ZNF3: variants seen among roughly 807,000 people sequenced by gnomAD.
ZNF3 encodes C2-H2 type zinc finger protein.
In ZNF3, 16 loss-of-function variants were observed where a neutral mutation model predicts 36.9. The ratio of observed to expected loss-of-function variants is 0.43; its 90% CI spans 0.29 to 0.66. ZNF3 has a LOEUF of 0.66. ZNF3 is among the 30% of genes least tolerant of loss of function. The probability of loss-of-function intolerance (pLI) is 0.13; values close to 1 mark genes in which losing one functional copy is unlikely to be tolerated. For missense variants in ZNF3, 462 were observed against 543.1 expected (o/e 0.85, Z 1.48); for synonymous variants, 201 against 201.9 (o/e 1.00, Z 0.04).
intron 3 of ZNF3, among the ~76,000 whole-genome samples, chr7:100,076,168 G>C (rs1013147717): frequency 6.6e-6 from 1 of 150,906 alleles, no homozygotes; most frequent in African/African-American, 2.4e-5. Context: ...AAAACCAGCA[G>C]CTTCACCCCA....
At chr7:100,078,015 C>T (rs1191006071) in intron 2 of ZNF3, among the ~76,000 whole-genome samples, 1 of 151,862 alleles carries the variant, frequency 6.6e-6, no homozygotes, top group East Asian at 1.9e-4. Context: ...CAGGTGTGAG[C>T]CACCATGCCC....
upstream of ZNF3, among the ~76,000 whole-genome samples, chr7:100,082,097 T>C (rs60594059): frequency 0.016 from 2,450 of 152,206 alleles, 64 homozygotes; most frequent in African/African-American, 0.056. Flanking sequence ...GCAGTAAACA[T>C]ACAATTATTG....
At chr7:100,075,018 T>C (rs1188816138) in intron 5 of ZNF3, 117 bp downstream of exon 5, 43 of 1,318,494 alleles carry the variant, frequency 3.3e-5, no homozygotes, top group African/African-American at 1.2e-4. Context: ...GATTGTGCCA[T>C]TGCACCTCAA....
chr7:100,074,195 C>G (rs111856896), intron 5 of ZNF3, among the ~76,000 whole-genome samples: 4,303 of 152,214 alleles, frequency 0.028, 206 homozygotes, highest in African/African-American at 0.098. Flanking sequence ...AGACTGGGCC[C>G]CAAGTTTTGC....
In ZNF3 at chr7:100,074,656, T is replaced by C. The variant is rs79583151; in HGVS notation, c.271+479A>G. 7.9e-4 allele frequency among the ~76,000 whole-genome samples: 120 copies of C among 152,312 alleles called. No individual in the cohort carries two copies. In the East Asian group the frequency reaches 0.022, roughly 28 times the overall value. On this transcript the variant is annotated intron_variant, in intron 5 of 5. Transcript: ENST00000299667. ...TTACTGTGAAGATTAAATGAAAGAA[T>C]ATATATGAGAACTCTTTATAAGTTG...
chr7:100,075,231 A>G lies in ZNF3; in HGVS notation c.175T>C (p.Tyr59His). 6.2e-7 allele frequency: 1 copy of G among 1,614,180 alleles called. No individual in the cohort carries two copies. Among genetic ancestry groups the G allele is most frequent in the Non-Finnish European group, 8.5e-7 (1 of 1,180,038 alleles). The change falls in exon 5 of 6, where the codon TAC (tyrosine) becomes CAC (histidine). Residue 59 changes from tyrosine (Y) to histidine (H), a missense_variant. Coordinates refer to ENST00000299667, the MANE Select transcript of ZNF3 (RefSeq NM_032924.5). ...CGCTTCCACTCCTTCCGGATGAAGT[A>G]CACAGCTACATCCTCAAAGGTTACC... ...ELVTFEDVAV[Y>H]FIRKEWKRLE...
chr7:100,077,554 A>G, intron 2 of ZNF3, 121 bp from the exon 3 acceptor site: 1 of 872,480 alleles, frequency 1.1e-6, no homozygotes, highest in Non-Finnish European at 1.6e-6. Flanking sequence ...GGCAACTGGG[A>G]CTAGTCTTTT....
exon 6 of ZNF3, chr7:100,064,317 C>T: frequency 6.2e-7 from 1 of 1,612,682 alleles, no homozygotes; most frequent in African/African-American, 1.3e-5. Flanking sequence ...GGAAAGGCAG[C>T]CTCATTCGTC....
chr7:100,078,495 CAAA>C (rs532938420), intron 2 of ZNF3, among the ~76,000 whole-genome samples: 12 of 88,874 alleles, frequency 1.4e-4, no homozygotes, highest in Non-Finnish European at 1.9e-4. Context: ...GACTCTGCCT[CAAA>C]AAAAAAAAAA....
chr7:100,071,440 G>C lies in ZNF3; in HGVS notation c.1044C>G (p.Ala348=). The stretch of plus-strand genomic sequence containing the variant: ...GATAGAGGTGTGAGCTCTGGCTGAA[G>C]GCTTTCCCACATTCATTACATTCAT... The part of the protein sequence containing the change: ...KPYECNECGK[A]FSQSSHLYQH... The change falls in exon 6 of 6, where the codon GCC becomes GCG. Residue 348 remains alanine (A), a synonymous_variant. Transcript: ENST00000299667. The C allele has an allele frequency of 6.2e-7, 1 of 1,614,200 alleles. No homozygotes were observed.
Position 100,073,486 on chromosome 7 carries a change from T to A in ZNF3, c.272-1274A>T, listed in dbSNP as rs374976815. On this transcript the variant is annotated intron_variant, in intron 5 of 5. Coordinates refer to ENST00000299667, the MANE Select transcript of ZNF3 (RefSeq NM_032924.5). The stretch of plus-strand genomic sequence containing the variant: ...GCCTCAGCCTCCCAAGTAGCTGGGA[T>A]TACAGGCACATGCCACCACCCCCAG... 2.0e-5 allele frequency among the ~76,000 whole-genome samples: 3 copies of A among 152,132 alleles called. No individual in the cohort carries two copies. The East Asian group carries it at 5.8e-4, about 30-fold the overall frequency.
At chr7:100,077,251 GGAT>G (rs1012400013) in intron 3 of ZNF3, 49 bp downstream of exon 3, 1 of 1,610,600 alleles carries the variant, frequency 6.2e-7, no homozygotes, top group Non-Finnish European at 8.5e-7. Flanking sequence ...CGATTTCAAT[GGAT>G]GATTGCAGAA....
chr7:100,071,526 C>G lies in ZNF3; in HGVS notation c.958G>C (p.Ala320Pro), dbSNP rs754397946. Reference protein sequence around the residue: ...KPYACNECGKAFSRSSTLIHH... With the variant: ...KPYACNECGKPFSRSSTLIHH... ...ATAAGGGTTGAGCTCCTGCTGAAGG[C>G]CTTCCCACATTCATTGCAGGCGTAG... is the stretch of plus-strand genomic sequence containing the variant. Residue 320 changes from alanine (A) to proline (P), a missense_variant, in exon 6 of 6, where the codon GCC (alanine) becomes CCC (proline). Coordinates refer to ENST00000299667, the MANE Select transcript of ZNF3 (RefSeq NM_032924.5). 3 of 1,612,844 alleles carry G rather than the reference C, an allele frequency of 1.9e-6. No homozygotes were observed. The highest frequency in any genetic ancestry group is 2.5e-6 in the Non-Finnish European group (3 of 1,179,796).
Position 100,071,453 on chromosome 7 carries a change from T to G in ZNF3, c.1031A>C (p.Glu344Ala), listed in dbSNP as rs201877282. ...GCTCTGGCTGAAGGCTTTCCCACATTCATTACATTCATAGGGTTTTTCTCC... is the reference window on the plus strand; with the variant it reads ...GCTCTGGCTGAAGGCTTTCCCACATGCATTACATTCATAGGGTTTTTCTCC... Reference protein sequence around the residue: ...HTGEKPYECNECGKAFSQSSH... With the variant: ...HTGEKPYECNACGKAFSQSSH... The change falls in exon 6 of 6, where the codon GAA (glutamate) becomes GCA (alanine). Residue 344 changes from glutamate (E) to alanine (A), a missense_variant. Physicochemically the swap from Glu to Ala is moderately radical, Grantham distance 107. Coordinates refer to ENST00000299667, the MANE Select transcript of ZNF3 (RefSeq NM_032924.5). 16 of 1,614,174 alleles carry G rather than the reference T, an allele frequency of 9.9e-6. No individual in the cohort carries two copies. The highest frequency in any genetic ancestry group is 1.3e-5 in the Non-Finnish European group (15 of 1,180,018).
chr7:100,075,404 C>T (rs1793923285), intron 4 of ZNF3, 138 bp downstream of exon 4: 3 of 1,527,418 alleles, frequency 2.0e-6, no homozygotes, highest in Admixed American at 1.8e-5. Flanking sequence ...GACAGGAGTC[C>T]AAGATAGAAG....
Position 100,070,804 on chromosome 7 carries a change from C to G in ZNF3, c.*339G>C. On this transcript the variant is annotated 3_prime_UTR_variant, in exon 6 of 6. Coordinates refer to ENST00000299667, the MANE Select transcript of ZNF3 (RefSeq NM_032924.5). Reference sequence around the variant, plus strand: ...TCTGTGCTGACTACGCGGACTCCAACTAAAGGAATCCATCGAATTCTGTCC... The same window carrying G: ...TCTGTGCTGACTACGCGGACTCCAAGTAAAGGAATCCATCGAATTCTGTCC... The G allele has an allele frequency of 2.8e-6, 3 of 1,082,688 alleles. No homozygotes were observed. Among genetic ancestry groups the G allele is most frequent in the Non-Finnish European group, 3.4e-6 (3 of 890,684 alleles). 67.1% of individuals were successfully genotyped at this position (1,082,688 alleles called of 1,614,324 possible). A position where few individuals can be genotyped will look rare whatever the true frequency, so the allele number is the denominator to read the frequency against.
Position 100,070,373 on chromosome 7 carries a change from G to C in ZNF3, c.*770C>G. ...CATTTTCATCATTGGAGTGGGAAGA[G>C]GACAAGAGAGGACAGCAATCAGAGG... On this transcript the variant is annotated 3_prime_UTR_variant, in exon 6 of 6. Coordinates refer to ENST00000299667, the MANE Select transcript of ZNF3 (RefSeq NM_032924.5). 1 of 985,468 alleles carries C rather than the reference G, an allele frequency of 1.0e-6. No individual in the cohort carries two copies. The allele number at this position is 985,468 out of a possible 1,614,324, so 61.0% of individuals were successfully genotyped here. A position where few individuals can be genotyped will look rare whatever the true frequency, so the allele number is the denominator to read the frequency against.
upstream of ZNF3, chr7:100,082,515 G>C (rs1475679455): frequency 6.6e-6 from 1 of 152,574 alleles, no homozygotes; most frequent in Non-Finnish European, 1.5e-5. Context: ...GAACCCAGGA[G>C]GCGGAGGTTG....
At chr7:100,076,225 A>G (rs1794086512) in intron 3 of ZNF3, among the ~76,000 whole-genome samples, 1 of 151,978 alleles carries the variant, frequency 6.6e-6, no homozygotes, top group Non-Finnish European at 1.5e-5. Flanking sequence ...TCTCCACCCC[A>G]GATCAAATCT....
Sources: gnomAD v4.1 joint callset for allele counts (sites outside exome capture counted in the v4.1 genomes callset) on GRCh38, gnomAD v4.1.1 for gene constraint, MANE v1.5 for transcripts, NCBI Gene and HGNC (gene_info 2026-07-23, HGNC 2026-07-21) for gene names.